Variants in TCF7L2 observed in about 807,000 individuals in gnomAD.
TCF7L2 encodes transcription factor 7 like 2, also known as transcription factor 7-like 2.
Under a neutral mutation model 77.9 loss-of-function variants are expected in TCF7L2, and 23 were observed. That is an observed-to-expected ratio of 0.30 (90% CI 0.21 to 0.42). TCF7L2 has a LOEUF of 0.42. TCF7L2 is among the 10% of genes least tolerant of loss of function. TCF7L2 has a pLI of 1.00. For missense variants in TCF7L2, 654 were observed against 793.1 expected, an observed-to-expected ratio of 0.82 and a Z score of 2.11; for synonymous variants, 413 against 340.2, an observed-to-expected ratio of 1.21 and a Z score of -2.36.
chr10:113,021,907 G>A (rs1158864213), intron 4 of TCF7L2, among the ~76,000 whole-genome samples: 1 of 152,224 alleles, frequency 6.6e-6, no homozygotes, highest in South Asian at 2.1e-4. Context: ...CCAAGTGGCT[G>A]ACCCTTGTTT....
chr10:112,984,184 C>G (rs1257125562), intron 4 of TCF7L2, among the ~76,000 whole-genome samples: 2 of 152,198 alleles, frequency 1.3e-5, no homozygotes, highest in African/African-American at 4.8e-5. Context: ...ACTTTCCCCC[C>G]GTACTTACCT....
At chr10:112,964,672 C>A (rs535602216) in intron 4 of TCF7L2, 48 bp downstream of exon 4, 2 of 1,527,170 alleles carry the variant, frequency 1.3e-6, no homozygotes, top group Admixed American at 1.7e-5. Context: ...ATATGTAGGT[C>A]TCTTGTGTGT....
chr10:112,951,044 GGGCCCGGCGGGC>G lies in TCF7L2; in HGVS notation c.189+103_189+114del, dbSNP rs572071677. 701 of 1,443,112 alleles carry G rather than the reference GGGCCCGGCGGGC, an allele frequency of 4.9e-4. 3 individuals carry two copies. The African/African-American group carries it at 9.3e-3, about 19-fold the overall frequency. 89.4% of individuals were successfully genotyped at this position (1,443,112 alleles called of 1,614,324 possible). ...GAAATCGGGGCTGGGGGCGGCGGCG[GGGCCCGGCGGGC>G]GGCGTGTGCGTACGGTGCCACCATT... On this transcript the variant is annotated intron_variant, in intron 1 of 13. Transcript: ENST00000627217.
At chr10:113,105,016 C>G (rs1257492868) in intron 5 of TCF7L2, among the ~76,000 whole-genome samples, 4 of 152,196 alleles carry the variant, frequency 2.6e-5, no homozygotes, top group Non-Finnish European at 5.9e-5. Flanking sequence ...ATAACTGTTG[C>G]AAAGGCCATT....
intron 3 of TCF7L2, among the ~76,000 whole-genome samples, chr10:112,958,455 C>T (rs1038553821): frequency 3.3e-5 from 5 of 151,962 alleles, no homozygotes; most frequent in African/African-American, 1.2e-4. Flanking sequence ...CTCTTGCAGT[C>T]TTCAGCTTGA....
At chr10:112,995,402 C>G (rs1019912960) in intron 4 of TCF7L2, among the ~76,000 whole-genome samples, 1 of 152,184 alleles carries the variant, frequency 6.6e-6, no homozygotes, top group African/African-American at 2.4e-5. Flanking sequence ...TTCTCTGTCT[C>G]AGCCCTGGAG....
intron 5 of TCF7L2, among the ~76,000 whole-genome samples, chr10:113,121,385 A>G (rs1392390699): frequency 6.6e-6 from 1 of 152,190 alleles, no homozygotes; most frequent in African/African-American, 2.4e-5. Context: ...TCCTCTCGAC[A>G]TGACAGATTT....
chr10:113,051,469 A>G (rs1217240222), intron 5 of TCF7L2, among the ~76,000 whole-genome samples: 1 of 152,248 alleles, frequency 6.6e-6, no homozygotes, highest in Non-Finnish European at 1.5e-5. Flanking sequence ...ATAAAAAATG[A>G]CATGCTTTTT....
At chr10:113,152,247 C>A in intron 10 of TCF7L2, 86 bp from the exon 11 acceptor site, 1 of 1,198,278 alleles carries the variant, frequency 8.3e-7, no homozygotes, top group Non-Finnish European at 1.2e-6. Context: ...ATTATTTATC[C>A]CCTGACCTTG....
intron 4 of TCF7L2, among the ~76,000 whole-genome samples, chr10:112,968,895 CTG>C (rs1387543616): frequency 2.6e-5 from 4 of 152,072 alleles, no homozygotes; most frequent in African/African-American, 7.2e-5. Context: ...GGCTTTTCAG[CTG>C]TGTGGGGGTT....
chr10:112,990,117 C>T (rs908041756), intron 4 of TCF7L2, among the ~76,000 whole-genome samples: 19 of 152,136 alleles, frequency 1.2e-4, no homozygotes, highest in African/African-American at 4.3e-4. Flanking sequence ...GCCTGCCTCT[C>T]AGGACTCCTG....
intron 4 of TCF7L2, among the ~76,000 whole-genome samples, chr10:113,004,165 G>C (rs1044564291): frequency 6.6e-6 from 1 of 152,184 alleles, no homozygotes; most frequent in Non-Finnish European, 1.5e-5. Context: ...AAAGAAGAGT[G>C]CCTGTAAGTA....
At chr10:112,952,188 G>A (rs1369588752) in intron 3 of TCF7L2, among the ~76,000 whole-genome samples, 1 of 152,208 alleles carries the variant, frequency 6.6e-6, no homozygotes, top group Admixed American at 6.5e-5. Context: ...AGAGCCCGGG[G>A]CCCTGGAGAG....
At chr10:113,121,544 G>A (rs994911680) in intron 5 of TCF7L2, among the ~76,000 whole-genome samples, 2 of 152,144 alleles carry the variant, frequency 1.3e-5, no homozygotes, top group African/African-American at 4.8e-5. Context: ...CTTTAGAATT[G>A]CAAGTAGGTT....
intron 5 of TCF7L2, among the ~76,000 whole-genome samples, chr10:113,041,536 G>C (rs961087585): frequency 6.6e-6 from 1 of 152,154 alleles, no homozygotes; most frequent in Non-Finnish European, 1.5e-5. Context: ...GCCTTGTGAT[G>C]TCTTCTCTCC....
chr10:113,157,235 C>T (rs536320142), intron 11 of TCF7L2, among the ~76,000 whole-genome samples: 5 of 152,354 alleles, frequency 3.3e-5, no homozygotes, highest in African/African-American at 1.2e-4. Flanking sequence ...TCTCCTGCCT[C>T]GGCCTCCCGA....
chr10:113,147,833 G>A (rs1592302536), intron 8 of TCF7L2, among the ~76,000 whole-genome samples: 1 of 152,140 alleles, frequency 6.6e-6, no homozygotes. Context: ...TCATTAGGAG[G>A]TTAGTCGATG....
intron 4 of TCF7L2, among the ~76,000 whole-genome samples, chr10:112,967,709 C>T (rs1040746618): frequency 6.6e-6 from 1 of 150,606 alleles, no homozygotes; most frequent in African/African-American, 2.5e-5. Context: ...GATCTCGGCT[C>T]ACCGCAACCT....
intron 5 of TCF7L2, among the ~76,000 whole-genome samples, chr10:113,098,524 G>A (rs961034006): frequency 2.0e-5 from 3 of 152,062 alleles, no homozygotes; most frequent in Non-Finnish European, 4.4e-5. Context: ...GGCCAATGTG[G>A]TGAAACCCCC....
Sources: gnomAD v4.1 joint callset for allele counts (sites outside exome capture counted in the v4.1 genomes callset) on GRCh38, gnomAD v4.1.1 for gene constraint, MANE v1.5 for transcripts, NCBI Gene and HGNC (gene_info 2026-07-23, HGNC 2026-07-21) for gene names.